Variants in SLC12A7 observed in about 807,000 individuals in gnomAD.
The protein encoded by SLC12A7 is solute carrier family 12 member 7.
In SLC12A7, 100 loss-of-function variants were observed where a neutral mutation model predicts 120.6. That is an observed-to-expected ratio of 0.83 (90% confidence interval 0.71 to 0.98). The LOEUF (loss-of-function observed/expected upper bound fraction) is 0.98. Ranked by LOEUF, SLC12A7 falls within the 50% of genes least tolerant of loss-of-function variation. SLC12A7 has a pLI of 0.00. For missense variants in SLC12A7, 1,373 were observed against 1,548.1 expected, an observed-to-expected ratio of 0.89 and a Z score of 1.90; for synonymous variants, 760 against 678.0, an observed-to-expected ratio of 1.12 and a Z score of -1.88.
intron 21 of SLC12A7, 103 bp from the exon 22 acceptor site, chr5:1,057,752 G>T: frequency 8.7e-7 from 1 of 1,154,864 alleles, no homozygotes; most frequent in Admixed American, 2.2e-5. Flanking sequence ...CACAGAACCT[G>T]AAGGGCCCTG....
intron 17 of SLC12A7, 109 bp downstream of exon 17, chr5:1,073,524 G>A (rs369690788): frequency 1.3e-4 from 157 of 1,233,204 alleles, no homozygotes; most frequent in Middle Eastern, 8.6e-4. Context: ...ACACAGCAGC[G>A]CCACGCACAG....
At chr5:1,069,724 C>G (rs371609187) in intron 17 of SLC12A7, among the ~76,000 whole-genome samples, 3 of 152,164 alleles carry the variant, frequency 2.0e-5, no homozygotes, top group African/African-American at 7.2e-5. Flanking sequence ...CTCCAGGTGA[C>G]GTGACGTGAC....
chr5:1,093,687 C>T (rs760056857), intron 2 of SLC12A7, 32 bp from the exon 3 acceptor site: 8 of 1,607,300 alleles, frequency 5.0e-6, no homozygotes, highest in East Asian at 4.5e-5. Context: ...ACAGGCGGCC[C>T]GCACCTCGCC....
rs760253541 is a variant in SLC12A7, at chr5:1,060,421, C to G, written c.2770G>C (p.Glu924Gln). The stretch of plus-strand genomic sequence containing the variant: ...CTCTGCTCCATCATTAGTGTCCTCT[C>G]GTAGGTGAAAGCAGATATGTCGTTT... ...VENDISAFTY[E>Q]RTLMMEQRSQ... Residue 924 changes from glutamate to glutamine, a missense_variant, in exon 21 of 24, where the codon GAG becomes CAG. By Grantham distance (29) the Glu-to-Gln change is conservative. Coordinates refer to ENST00000264930, the MANE Select transcript of SLC12A7 (RefSeq NM_006598.3). The G allele has an allele frequency of 3.7e-6, 6 of 1,613,738 alleles. No homozygotes were observed. The East Asian group carries it at 1.3e-4, about 36-fold the overall frequency.
chr5:1,124,413 C>T, the SLC12A7 span, among the ~76,000 whole-genome samples: 3 of 152,342 alleles, frequency 2.0e-5, no homozygotes, highest in Admixed American at 2.0e-4. Context: ...TGGGAGGGTG[C>T]TTCCAAAGTA....
chr5:1,052,499 G>A (rs746716003), intron 23 of SLC12A7, 48 bp from the exon 24 acceptor site: 34 of 1,493,058 alleles, frequency 2.3e-5, no homozygotes, highest in Non-Finnish European at 2.6e-5. Flanking sequence ...CTGAGCGTGT[G>A]TAGCTGAAAT....
chr5:1,077,950 G>A lies in SLC12A7; in HGVS notation c.1512C>T (p.Pro504=). The change falls in exon 12 of 24, where the codon CCC becomes CCT. Residue 504 remains proline (P), a synonymous_variant. Transcript: ENST00000264930. ...AGAAGGAGCCGATGACGATGACCCA[G>A]GGGGAGGGCCAGGCCAGCATGCCGA... ...LVIGMLAWPS[P]WVIVIGSFFS... 6.2e-7 allele frequency: 1 copy of A among 1,600,494 alleles called. No homozygotes were observed. The highest frequency in any genetic ancestry group is 8.5e-7 in the Non-Finnish European group (1 of 1,174,134).
rs530338444 is a variant in SLC12A7, at chr5:1,083,805, T to G, written c.1069A>C (p.Ile357Leu). The G allele has an allele frequency of 1.9e-5, 30 of 1,612,274 alleles. 1 individual carries two copies. The South Asian group carries it at 2.3e-4, about 12-fold the overall frequency. The change falls in exon 8 of 24, where the codon ATC (isoleucine) becomes CTC (leucine). Residue 357 changes from isoleucine to leucine, a missense_variant. Ile to Leu is a conservative substitution (Grantham distance 5). Transcript: ENST00000264930. ...TGGATTTCGGTGACGTTGTTCTGGA[T>G]GAAGTACTCGTCACAGGCGGCGCTG... ...QPSAACDEYF[I>L]QNNVTEIQGI...
the SLC12A7 span, among the ~76,000 whole-genome samples, chr5:1,134,690 C>G: frequency 1.3e-5 from 2 of 152,238 alleles, no homozygotes; most frequent in Middle Eastern, 3.4e-3. Context: ...GAACTGAAAG[C>G]AGGGACTCGA....
chr5:1,111,903 G>C lies in SLC12A7; in HGVS notation c.89C>G (p.Thr30Ser), dbSNP rs1019697833. 1.6e-6 allele frequency: 2 copies of C among 1,243,098 alleles called. No individual in the cohort carries two copies. Among genetic ancestry groups the C allele is most frequent in the Admixed American group, 4.0e-5 (1 of 25,088 alleles). 77.0% of individuals were successfully genotyped at this position (1,243,098 alleles called of 1,614,324 possible). ...ETAERTEAPG[T>S]PEGPEPERPS... ...GCGCTCGGGCTCGGGGCCCTCGGGG[G>C]TGCCCGGAGCCTCCGTCCGCTCGGC... Residue 30 changes from threonine to serine, a missense_variant, in exon 1 of 24, where the codon ACC becomes AGC. Transcript: ENST00000264930.
intron 1 of SLC12A7, among the ~76,000 whole-genome samples, chr5:1,108,941 C>A (rs1742778806): frequency 6.6e-6 from 1 of 152,166 alleles, no homozygotes; most frequent in Admixed American, 6.5e-5. Flanking sequence ...GACACGAGCT[C>A]AGCCACAGTG....
At chr5:1,115,112 C>T (rs554073435), upstream of SLC12A7, among the ~76,000 whole-genome samples, 1 of 152,356 alleles carries the variant, frequency 6.6e-6, no homozygotes, top group South Asian at 2.1e-4. Flanking sequence ...CGGTGTCCAG[C>T]TTTGCCCAGG....
At chr5:1,096,869 GGAGGGAGGGAGGGAAGGAAGA>G (rs1741302339) in intron 1 of SLC12A7, among the ~76,000 whole-genome samples, 1 of 119,150 alleles carries the variant, frequency 8.4e-6, no homozygotes, top group African/African-American at 3.2e-5. Context: ...AGGGATGAAG[GGAGGGAGGGAGGGAAGGAAGA>G]AAGGAGGGAG....
At chr5:1,076,287 C>G (rs763941478) in intron 13 of SLC12A7, 51 bp from the exon 14 acceptor site, 1 of 1,477,118 alleles carries the variant, frequency 6.8e-7, no homozygotes, top group Non-Finnish European at 9.2e-7. Flanking sequence ...CCCCTGAGCC[C>G]CCAGTCACTG....
intron 5 of SLC12A7, 116 bp downstream of exon 5, chr5:1,088,190 G>T: frequency 1.0e-6 from 1 of 986,872 alleles, no homozygotes; most frequent in Non-Finnish European, 1.5e-6. Context: ...GCCCGGCTGA[G>T]ACCCCCAGGC....
At chr5:1,078,088 G>C (rs746092772) in intron 11 of SLC12A7, 81 bp from the exon 12 acceptor site, 14 of 1,460,468 alleles carry the variant, frequency 9.6e-6, no homozygotes, top group East Asian at 5.0e-5. Flanking sequence ...CACCCAGAGC[G>C]AGGGGCCCAG....
At chr5:1,133,524 G>A in the SLC12A7 span, among the ~76,000 whole-genome samples, 1 of 152,198 alleles carries the variant, frequency 6.6e-6, no homozygotes, top group Admixed American at 6.5e-5. Context: ...GAGATGCGAG[G>A]GGGACCCCAC....
rs900138407 is a variant in SLC12A7, at chr5:1,077,442, C to T, written c.1629+391G>A. On this transcript the variant is annotated intron_variant, in intron 12 of 23. Transcript: ENST00000264930. ...CCGTGCAATCCTCAGAGCAGCCACACACACTGGCTGCAGGTGGCTGGTGAC... is the reference window on the plus strand; with the variant it reads ...CCGTGCAATCCTCAGAGCAGCCACATACACTGGCTGCAGGTGGCTGGTGAC... Among the ~76,000 whole-genome samples the T allele has an allele frequency of 2.5e-4, 38 of 152,234 alleles. 1 individual carries two copies. Among genetic ancestry groups the T allele is most frequent in the African/African-American group, 8.7e-4 (36 of 41,468 alleles).
intron 22 of SLC12A7, chr5:1,056,638 G>A: frequency 1.0e-6 from 1 of 971,428 alleles, no homozygotes. Context: ...CTGACTTCAG[G>A]AGAGAGCACC....
Sources: gnomAD v4.1 joint callset for allele counts (sites outside exome capture counted in the v4.1 genomes callset) on GRCh38, gnomAD v4.1.1 for gene constraint, MANE v1.5 for transcripts, NCBI Gene and HGNC (gene_info 2026-07-23, HGNC 2026-07-21) for gene names.